The following GRIP1 variants were observed in gnomAD, a reference collection of about 807,000 sequenced individuals.
GRIP1 encodes glutamate receptor-interacting protein 1.
GRIP1 carries 45 observed loss-of-function variants against 129.9 expected under a neutral mutation model. That is an observed-to-expected ratio of 0.35 (90% CI 0.27 to 0.44). GRIP1 has a LOEUF of 0.44. GRIP1 is among the 20% of genes least tolerant of loss of function. The pLI, the probability that GRIP1 is intolerant of heterozygous loss-of-function variation, is 1.00. For synonymous variants in GRIP1, 530 were observed against 520.8 expected, an observed-to-expected ratio of 1.02 and a Z score of -0.24; for missense variants, 1,196 against 1,396.8, an observed-to-expected ratio of 0.86 and a Z score of 2.29.
At chr12:66,844,782 AGAAG>A (rs2039784150) in intron 1 of GRIP1, among the ~76,000 whole-genome samples, 1 of 152,222 alleles carries the variant, frequency 6.6e-6, no homozygotes, top group Non-Finnish European at 1.5e-5. Context: ...TTCAGCCTTA[AGAAG>A]GAAGAAAACT....
At chr12:66,959,678 A>G (rs1179987891) in intron 1 of GRIP1, among the ~76,000 whole-genome samples, 1 of 152,204 alleles carries the variant, frequency 6.6e-6, no homozygotes, top group Non-Finnish European at 1.5e-5. Context: ...CATTTTAAAA[A>G]GCAGCTTCAA....
chr12:66,788,908 GT>G (rs1162018003), intron 1 of GRIP1, among the ~76,000 whole-genome samples: 1 of 151,992 alleles, frequency 6.6e-6, no homozygotes, highest in African/African-American at 2.4e-5. Flanking sequence ...AGAAATGTTT[GT>G]TTTTTTAAGC....
intron 1 of GRIP1, among the ~76,000 whole-genome samples, chr12:66,707,502 C>CAA (rs1565979272): frequency 3.5e-4 from 30 of 86,042 alleles, no homozygotes; most frequent in Admixed American, 4.1e-4. Flanking sequence ...CAATCACTGA[C>CAA]TAAAAAAAAA....
chr12:67,038,062 T>G (rs1224589095), intron 1 of GRIP1, among the ~76,000 whole-genome samples: 1 of 152,244 alleles, frequency 6.6e-6, no homozygotes, highest in Non-Finnish European at 1.5e-5. Flanking sequence ...CTACACTGGC[T>G]ATCTGATGTC....
At chr12:66,727,015 CCTT>C (rs1490463404) in intron 1 of GRIP1, among the ~76,000 whole-genome samples, 2 of 152,166 alleles carry the variant, frequency 1.3e-5, no homozygotes, top group African/African-American at 4.8e-5. Context: ...CAAAATCTCT[CCTT>C]CTAAATACGA....
upstream of GRIP1, chr12:67,069,284 C>A: frequency 5.5e-6 from 1 of 181,794 alleles, no homozygotes; most frequent in South Asian, 1.8e-4. Flanking sequence ...GCCCCGCGCT[C>A]CCCTCAAACT....
At chr12:66,649,576 G>C (rs2032637642) in intron 1 of GRIP1, among the ~76,000 whole-genome samples, 1 of 152,208 alleles carries the variant, frequency 6.6e-6, no homozygotes, top group Admixed American at 6.5e-5. Context: ...CAGTAGGAAA[G>C]ATAAAAGCAG....
At chr12:66,574,790 T>TTTTTTTTTTTTTTTC (rs55885862) in intron 2 of GRIP1, among the ~76,000 whole-genome samples, 2 of 142,066 alleles carry the variant, frequency 1.4e-5, no homozygotes, top group African/African-American at 5.1e-5. Context: ...CACTTTTCTT[T>TTTTTTTTTTTTTTTC]TTTTTTTTTT....
chr12:66,414,245 G>T (rs188360678), intron 15 of GRIP1, among the ~76,000 whole-genome samples: 1 of 152,254 alleles, frequency 6.6e-6, no homozygotes, highest in East Asian at 1.9e-4. Flanking sequence ...CTTCAGCAAA[G>T]TCTCCACATA....
At chr12:66,572,948 G>A (rs896016939) in intron 2 of GRIP1, among the ~76,000 whole-genome samples, 11 of 152,002 alleles carry the variant, frequency 7.2e-5, no homozygotes, top group African/African-American at 2.7e-4. Context: ...GCCCTTAGAT[G>A]TCCTCTTTCC....
intron 1 of GRIP1, among the ~76,000 whole-genome samples, chr12:66,646,002 G>A (rs2032334084): frequency 6.6e-6 from 1 of 152,178 alleles, no homozygotes; most frequent in South Asian, 2.1e-4. Flanking sequence ...TATTAAAGTT[G>A]CTGGAAGATA....
intron 1 of GRIP1, among the ~76,000 whole-genome samples, chr12:66,955,615 C>A (rs997948245): frequency 6.6e-6 from 1 of 150,392 alleles, no homozygotes; most frequent in Non-Finnish European, 1.5e-5. Context: ...TCAAGAGATT[C>A]CCCTGCCTTA....
chr12:66,755,614 G>A (rs2037263663), intron 1 of GRIP1, among the ~76,000 whole-genome samples: 1 of 152,156 alleles, frequency 6.6e-6, no homozygotes, highest in Non-Finnish European at 1.5e-5. Flanking sequence ...ACCTGCTCTG[G>A]GAGTGTTGAA....
At chr12:66,877,025 A>G (rs188003981) in intron 1 of GRIP1, among the ~76,000 whole-genome samples, 109 of 152,158 alleles carry the variant, frequency 7.2e-4, no homozygotes, top group Admixed American at 2.0e-3. Context: ...CTCAATATGC[A>G]TATCTGTGTA....
At chr12:66,787,475 C>G (rs992125729) in intron 1 of GRIP1, among the ~76,000 whole-genome samples, 1 of 152,158 alleles carries the variant, frequency 6.6e-6, no homozygotes, top group African/African-American at 2.4e-5. Flanking sequence ...ACTGTGCCCC[C>G]TCCCCTGCAA....
intron 1 of GRIP1, among the ~76,000 whole-genome samples, chr12:66,923,910 T>C (rs1024043563): frequency 2.6e-5 from 4 of 152,160 alleles, no homozygotes; most frequent in Non-Finnish European, 5.9e-5. Flanking sequence ...AATGGCGCCA[T>C]CTCAGCTCAC....
chr12:66,730,527 C>T (rs373707070), intron 1 of GRIP1, among the ~76,000 whole-genome samples: 20 of 152,054 alleles, frequency 1.3e-4, no homozygotes, highest in African/African-American at 3.6e-4. Flanking sequence ...TTATAATTAT[C>T]TGTCCAAAAA....
chr12:66,355,321 G>A (rs1565659266), intron 23 of GRIP1, among the ~76,000 whole-genome samples: 1 of 152,192 alleles, frequency 6.6e-6, no homozygotes, highest in African/African-American at 2.4e-5. Context: ...AAAAAAAGTA[G>A]AGCAGTGAGC....
At chr12:66,363,891 G>C (rs1013211881) in intron 23 of GRIP1, among the ~76,000 whole-genome samples, 4 of 152,082 alleles carry the variant, frequency 2.6e-5, no homozygotes, top group Non-Finnish European at 4.4e-5. Context: ...AATAAGTTCC[G>C]GTGATCCACT....
Sources: allele counts gnomAD v4.1 joint callset (sites outside exome capture counted in the v4.1 genomes callset), GRCh38; gene constraint gnomAD v4.1.1; transcripts MANE v1.5; gene names NCBI Gene and HGNC (gene_info 2026-07-23, HGNC 2026-07-21).